KYNU: variants seen among roughly 807,000 people sequenced by gnomAD.
The protein encoded by KYNU is L-kynurenine hydrolase.
In KYNU, 54 loss-of-function variants were observed where a neutral mutation model predicts 59.2. The observed-to-expected ratio is 0.91, with a 90% confidence interval of 0.73 to 1.14. KYNU has a LOEUF of 1.14. KYNU is among the 50% of genes most tolerant of loss of function. The pLI is 0.00. For synonymous variants in KYNU, 177 were observed against 192.0 expected (o/e 0.92, Z 0.65); for missense variants, 567 against 554.4 (o/e 1.02, Z -0.23).
intron 12 of KYNU, 112 bp from the exon 13 acceptor site, chr2:143,040,316 T>C (rs1687004908): frequency 2.7e-6 from 2 of 739,544 alleles, no homozygotes; most frequent in South Asian, 3.0e-5. Flanking sequence ...AGGGAGATAT[T>C]TATTGGAAAG....
At chr2:143,016,435 T>A (rs1026163891) in intron 10 of KYNU, among the ~76,000 whole-genome samples, 10 of 152,238 alleles carry the variant, frequency 6.6e-5, no homozygotes, top group Non-Finnish European at 1.5e-4. Context: ...GGACATGAAT[T>A]TTTTTAAATC....
chr2:142,966,403 T>C (rs1270547735), intron 8 of KYNU, among the ~76,000 whole-genome samples: 1 of 152,188 alleles, frequency 6.6e-6, no homozygotes, highest in African/African-American at 2.4e-5. Context: ...TTCTTTAAAG[T>C]CTTAGCTTAG....
chr2:142,996,159 G>A (rs11902056), intron 10 of KYNU, among the ~76,000 whole-genome samples: 62,928 of 151,732 alleles, frequency 0.41, 13,300 homozygotes, highest in South Asian at 0.6. Flanking sequence ...TCTTGAAGAC[G>A]GAATTGTAGT....
chr2:142,899,371 C>T (rs1000323941), intron 2 of KYNU, among the ~76,000 whole-genome samples: 3 of 152,080 alleles, frequency 2.0e-5, no homozygotes, highest in Admixed American at 6.5e-5. Context: ...CTTTACTACC[C>T]GATTGGTCAG....
chr2:142,927,906 C>T (rs1683095344), intron 4 of KYNU, among the ~76,000 whole-genome samples, 165 bp downstream of exon 4: 1 of 151,938 alleles, frequency 6.6e-6, no homozygotes, highest in Admixed American at 6.6e-5. Context: ...AATTTGTTAA[C>T]TCAAAGATTG....
chr2:142,961,275 C>CTTTTTTTTTTTTT (rs1156276566), intron 8 of KYNU, among the ~76,000 whole-genome samples: 8 of 94,438 alleles, frequency 8.5e-5, no homozygotes, highest in African/African-American at 1.9e-4. Context: ...ATTTAAACTG[C>CTTTTTTTTTTTTT]TTTTTTTTTT....
intron 1 of KYNU, among the ~76,000 whole-genome samples, chr2:142,877,976 A>G (rs1049031615): frequency 1.3e-5 from 2 of 152,200 alleles, no homozygotes; most frequent in Non-Finnish European, 2.9e-5. Flanking sequence ...AAAAGAACTG[A>G]TGAACATAGT....
chr2:142,989,479 TA>T (rs1685326580), intron 10 of KYNU: 3 of 985,008 alleles, frequency 3.0e-6, no homozygotes, highest in South Asian at 4.7e-5. Context: ...CTTTGTTGCT[TA>T]AAAAGGGTGA....
At chr2:142,939,810 G>A (rs578196895) in intron 4 of KYNU, among the ~76,000 whole-genome samples, 12 of 152,220 alleles carry the variant, frequency 7.9e-5, no homozygotes, top group East Asian at 3.9e-4. Flanking sequence ...TAAGAAACCA[G>A]AAAGTAGTAT....
chr2:143,000,605 C>T lies in KYNU; in HGVS notation c.902+14584C>T, dbSNP rs904939656. ...TTATTTTAAAGAAATGTTACATATCCTTTTGAAAGAAATCTCTCTGGCACT... is the reference window on the plus strand; with the variant it reads ...TTATTTTAAAGAAATGTTACATATCTTTTTGAAAGAAATCTCTCTGGCACT... On this transcript the variant is annotated intron_variant, in intron 10 of 13. Coordinates refer to ENST00000264170, the MANE Select transcript of KYNU (RefSeq NM_003937.3). 3.3e-5 allele frequency among the ~76,000 whole-genome samples: 5 copies of T among 152,006 alleles called. No homozygotes were observed. The East Asian group carries it at 9.6e-4, about 29-fold the overall frequency.
intron 10 of KYNU, among the ~76,000 whole-genome samples, chr2:143,017,494 C>T (rs1009866397): frequency 4.0e-4 from 47 of 117,762 alleles, no homozygotes; most frequent in East Asian, 3.9e-3. Context: ...CAGGATGGAG[C>T]GCAATGGTGC....
At chr2:142,917,310 G>A (rs548205658) in intron 2 of KYNU, among the ~76,000 whole-genome samples, 3 of 152,282 alleles carry the variant, frequency 2.0e-5, no homozygotes, top group African/African-American at 7.2e-5. Flanking sequence ...TGGGAACTAT[G>A]GATGAACCCA....
chr2:143,027,857 A>G (rs748640526), intron 10 of KYNU, among the ~76,000 whole-genome samples: 41 of 152,132 alleles, frequency 2.7e-4, no homozygotes, highest in African/African-American at 3.9e-4. Context: ...ATTTACCGTC[A>G]TATCTCATTT....
At chr2:142,967,015 C>T (rs1042092842) in intron 8 of KYNU, among the ~76,000 whole-genome samples, 2 of 151,530 alleles carry the variant, frequency 1.3e-5, no homozygotes, top group Non-Finnish European at 2.9e-5. Flanking sequence ...GCAGTTTGGC[C>T]AGGACTCAAG....
At chr2:143,004,868 C>T (rs963520870) in intron 10 of KYNU, among the ~76,000 whole-genome samples, 6 of 152,158 alleles carry the variant, frequency 3.9e-5, no homozygotes, top group Non-Finnish European at 7.3e-5. Flanking sequence ...AGTTAATCTG[C>T]CATCACCAGT....
At chr2:143,032,047 G>T (rs990237808) in intron 11 of KYNU, among the ~76,000 whole-genome samples, 12 of 152,150 alleles carry the variant, frequency 7.9e-5, no homozygotes, top group African/African-American at 2.9e-4. Flanking sequence ...GGAGGCCAAG[G>T]CGGGCGGATC....
At chr2:143,019,181 A>C (rs1261252505) in intron 10 of KYNU, among the ~76,000 whole-genome samples, 2 of 152,140 alleles carry the variant, frequency 1.3e-5, no homozygotes, top group East Asian at 3.9e-4. Context: ...GTTCAACAGC[A>C]GTGGTTAAAG....
chr2:142,878,429 G>T (rs1681176638), intron 1 of KYNU, among the ~76,000 whole-genome samples: 1 of 152,030 alleles, frequency 6.6e-6, no homozygotes, highest in Non-Finnish European at 1.5e-5. Flanking sequence ...ATTTCTCAAT[G>T]ATATGCTTAA....
chr2:143,031,293 G>C (rs1686729903), intron 11 of KYNU, among the ~76,000 whole-genome samples: 1 of 152,116 alleles, frequency 6.6e-6, no homozygotes, highest in Non-Finnish European at 1.5e-5. Flanking sequence ...TTCTGTGAAA[G>C]GCCAGATAGG....
Sources: gnomAD v4.1 joint callset for allele counts (sites outside exome capture counted in the v4.1 genomes callset) on GRCh38, gnomAD v4.1.1 for gene constraint, MANE v1.5 for transcripts, NCBI Gene and HGNC (gene_info 2026-07-23, HGNC 2026-07-21) for gene names.